N4BP2L2: variants seen among roughly 807,000 people sequenced by gnomAD.
N4BP2L2 encodes NEDD4-binding protein 2-like 2.
In N4BP2L2, 50 loss-of-function variants were observed where a neutral mutation model predicts 56.2. The ratio of observed to expected loss-of-function variants is 0.89; its 90% confidence interval spans 0.71 to 1.13. N4BP2L2 has a LOEUF of 1.13. Ranked by LOEUF, N4BP2L2 falls within the 50% of genes most tolerant of loss-of-function variation. The probability of loss-of-function intolerance (pLI) is 0.00; values close to 1 mark genes in which losing one functional copy is unlikely to be tolerated. For missense variants in N4BP2L2, 689 were observed against 693.8 expected (o/e 0.99, Z 0.08); for synonymous variants, 203 against 223.6 (o/e 0.91, Z 0.82).
intron 9 of N4BP2L2, among the ~76,000 whole-genome samples, chr13:32,434,147 G>A (rs1210896979): frequency 8.7e-5 from 13 of 149,252 alleles, no homozygotes; most frequent in Admixed American, 2.0e-4. Context: ...TGCGATCTCA[G>A]CTCACTGCAA....
At chr13:32,480,872 A>C (rs1462588249) in intron 6 of N4BP2L2, among the ~76,000 whole-genome samples, 1 of 151,976 alleles carries the variant, frequency 6.6e-6, no homozygotes, top group Non-Finnish European at 1.5e-5. Context: ...TAATCCCAGC[A>C]CTTTGGGAGG....
chr13:32,499,455 A>C (rs1057171571), intron 6 of N4BP2L2, among the ~76,000 whole-genome samples: 2 of 152,214 alleles, frequency 1.3e-5, no homozygotes, highest in African/African-American at 4.8e-5. Context: ...AAGGGAAAAA[A>C]AAAGCATTCC....
intron 6 of N4BP2L2, among the ~76,000 whole-genome samples, chr13:32,479,183 T>C (rs2084025832): frequency 6.6e-6 from 1 of 152,072 alleles, no homozygotes. Flanking sequence ...AAAGGTAACA[T>C]AGGCCATATG....
At chr13:32,491,620 T>A (rs182025180) in intron 6 of N4BP2L2, among the ~76,000 whole-genome samples, 3,096 of 102,096 alleles carry the variant, frequency 0.03, 119 homozygotes, top group African/African-American at 0.12. Flanking sequence ...ATATGTATAT[T>A]ATATATATAT....
rs186283027 is a variant in N4BP2L2 at position 32,488,316 on chromosome 13, C to T, written c.365+29541G>A. On this transcript the variant is annotated intron_variant, in intron 6 of 9. Transcript: ENST00000357505. ...ACAAATTAGTGCAGGAAGAGAAAAC[C>T]AAATACTGCATGTTCTCACTTATAA... Among the ~76,000 whole-genome samples, 324 of 152,216 alleles carry T rather than the reference C, an allele frequency of 2.1e-3. 2 individuals carry two copies. Among genetic ancestry groups the T allele is most frequent in the African/African-American group, 7.6e-3 (315 of 41,528 alleles).
exon 2 of N4BP2L2, chr13:32,536,923 A>G: frequency 6.2e-7 from 1 of 1,614,100 alleles, no homozygotes; most frequent in Non-Finnish European, 8.5e-7. Context: ...TATGATTGTG[A>G]AAAACATACG....
At chr13:32,486,608 A>G (rs1333586366) in intron 6 of N4BP2L2, among the ~76,000 whole-genome samples, 1 of 152,088 alleles carries the variant, frequency 6.6e-6, no homozygotes, top group African/African-American at 2.4e-5. Context: ...CCCGGGAGGC[A>G]AAAGTTGCAG....
intron 6 of N4BP2L2, among the ~76,000 whole-genome samples, chr13:32,494,528 C>G (rs1247679587): frequency 6.6e-6 from 1 of 152,046 alleles, no homozygotes; most frequent in Non-Finnish European, 1.5e-5. Context: ...CTTTGGGAGG[C>G]CGAGGCGTGC....
chr13:32,512,070 A>C (rs955739081), exon 6 of N4BP2L2: 6 of 152,198 alleles, frequency 3.9e-5, no homozygotes, highest in African/African-American at 1.4e-4. Flanking sequence ...ATCTGAAAAC[A>C]GTTAAAACTG....
Position 32,444,913 on chromosome 13 carries a change from C to G in N4BP2L2, c.366-787G>C, listed in dbSNP as rs73460515. Among the ~76,000 whole-genome samples, 889 of 152,218 alleles carry G rather than the reference C, an allele frequency of 5.8e-3. 5 individuals are homozygous for G. Among genetic ancestry groups the G allele is most frequent in the African/African-American group, 0.02 (814 of 41,534 alleles). On this transcript the variant is annotated intron_variant, in intron 6 of 9. Coordinates refer to the N4BP2L2 transcript ENST00000357505. ...GTACAGCATGTTACTACACTGCATA[C>G]TGTAGGCAATTATAAAACATTAGTA...
At chr13:32,481,096 G>A (rs181809058) in intron 6 of N4BP2L2, among the ~76,000 whole-genome samples, 2 of 101,926 alleles carry the variant, frequency 2.0e-5, no homozygotes, top group African/African-American at 8.3e-5. Flanking sequence ...TCCAGCCTCA[G>A]CAACAGAGTG....
At chr13:32,470,666 C>T (rs1235805847) in intron 6 of N4BP2L2, among the ~76,000 whole-genome samples, 3 of 152,192 alleles carry the variant, frequency 2.0e-5, no homozygotes, top group African/African-American at 7.2e-5. Context: ...AGATGACTTA[C>T]CCAATAGCGG....
At chr13:32,483,892 G>C (rs2085289612) in intron 6 of N4BP2L2, among the ~76,000 whole-genome samples, 2 of 151,040 alleles carry the variant, frequency 1.3e-5, no homozygotes, top group African/African-American at 4.9e-5. Context: ...GCTAAGGCAG[G>C]AGAATCGCTT....
intron 6 of N4BP2L2, among the ~76,000 whole-genome samples, chr13:32,447,576 T>A (rs1427621499): frequency 1.3e-5 from 2 of 152,210 alleles, no homozygotes; most frequent in Non-Finnish European, 1.5e-5. Context: ...GGCTACTTAC[T>A]GCAACATAAA....
At chr13:32,500,097 G>T (rs1461446425) in intron 6 of N4BP2L2, among the ~76,000 whole-genome samples, 1 of 152,106 alleles carries the variant, frequency 6.6e-6, no homozygotes, top group African/African-American at 2.4e-5. Context: ...TTCACTGCTT[G>T]CTGCCTTGGG....
chr13:32,441,838 T>G (rs1288421897), intron 7 of N4BP2L2, among the ~76,000 whole-genome samples: 1 of 149,068 alleles, frequency 6.7e-6, no homozygotes, highest in Non-Finnish European at 1.5e-5. Flanking sequence ...GGTCAGGAGA[T>G]CAAGACCATC....
Position 32,446,133 on chromosome 13 carries a change from T to C in N4BP2L2, c.366-2007A>G, listed in dbSNP as rs537192811. Among the ~76,000 whole-genome samples the C allele has an allele frequency of 4.6e-5, 7 of 152,332 alleles. No homozygotes were observed. The South Asian group carries it at 1.0e-3, about 23-fold the overall frequency. On this transcript the variant is annotated intron_variant, in intron 6 of 9. Coordinates refer to the N4BP2L2 transcript ENST00000357505. Reference sequence around the variant, plus strand: ...AACCTACCCCCAGCCACTAGCCTGGTTTATTCCATATGCTGGGCAATTTTC... The same window carrying C: ...AACCTACCCCCAGCCACTAGCCTGGCTTATTCCATATGCTGGGCAATTTTC...
chr13:32,503,172 C>CAA (rs35773755), intron 6 of N4BP2L2, among the ~76,000 whole-genome samples: 9,151 of 57,970 alleles, frequency 0.16, 1,122 homozygotes, highest in Non-Finnish European at 0.22. Context: ...GACTCTGTAG[C>CAA]AAAAAAAAAA....
chr13:32,493,707 A>G (rs1309172595), intron 6 of N4BP2L2, among the ~76,000 whole-genome samples: 1 of 152,240 alleles, frequency 6.6e-6, no homozygotes, highest in African/African-American at 2.4e-5. Context: ...TTAATGTATA[A>G]GAAGGAAATA....
Sources: allele counts gnomAD v4.1 joint callset (sites outside exome capture counted in the v4.1 genomes callset), GRCh38; gene constraint gnomAD v4.1.1; transcripts MANE v1.5; gene names NCBI Gene and HGNC (gene_info 2026-07-23, HGNC 2026-07-21).